The following PTPRT variants were observed in gnomAD, a reference collection of about 807,000 sequenced individuals.
PTPRT encodes receptor-type tyrosine-protein phosphatase T.
A neutral mutation model predicts 176.8 loss-of-function variants in PTPRT; 56 were observed. The observed-to-expected ratio is 0.32, with a 90% confidence interval of 0.26 to 0.40. PTPRT has a LOEUF of 0.40. Ranked by LOEUF, PTPRT falls within the 10% of genes least tolerant of loss-of-function variation. PTPRT has a pLI of 1.00. For synonymous variants in PTPRT, 783 were observed against 739.0 expected, an observed-to-expected ratio of 1.06 and a Z score of -0.96; for missense variants, 1,540 against 1,908.2, an observed-to-expected ratio of 0.81 and a Z score of 3.60.
chr20:42,972,998 T>C (rs768592329), intron 1 of PTPRT, among the ~76,000 whole-genome samples: 3 of 151,972 alleles, frequency 2.0e-5, no homozygotes, highest in Non-Finnish European at 4.4e-5. Flanking sequence ...GGCTACTCTA[T>C]TGATCAGCAC....
chr20:42,756,438 G>A, intron 6 of PTPRT, 24 bp downstream of exon 6: 1 of 1,502,940 alleles, frequency 6.7e-7, no homozygotes, highest in South Asian at 1.3e-5. Context: ...CATGGCAGTA[G>A]AGGCGCAGGC....
intron 25 of PTPRT, among the ~76,000 whole-genome samples, chr20:42,102,774 T>A (rs1322390051): frequency 6.6e-6 from 1 of 152,230 alleles, no homozygotes; most frequent in Non-Finnish European, 1.5e-5. Context: ...GATGCCTAGA[T>A]GACCTGCTCA....
intron 22 of PTPRT, among the ~76,000 whole-genome samples, chr20:42,110,727 T>C (rs6102677): frequency 0.23 from 34,895 of 152,192 alleles, 4,467 homozygotes; most frequent in Non-Finnish European, 0.3. Context: ...TTGAGTGTGC[T>C]CATACACACT....
intron 7 of PTPRT, among the ~76,000 whole-genome samples, chr20:42,577,450 T>C (rs557690093): frequency 2.0e-5 from 3 of 152,196 alleles, no homozygotes; most frequent in African/African-American, 7.2e-5. Context: ...GACCCAGGCA[T>C]GCAGGTTTGA....
intron 8 of PTPRT, among the ~76,000 whole-genome samples, chr20:42,470,451 C>T (rs893278090): frequency 6.6e-6 from 1 of 152,130 alleles, no homozygotes; most frequent in Non-Finnish European, 1.5e-5. Context: ...CTCCCAGTCT[C>T]CCCTGGGAAA....
chr20:43,100,108 G>T (rs530653603), intron 1 of PTPRT, among the ~76,000 whole-genome samples: 1 of 152,342 alleles, frequency 6.6e-6, no homozygotes, highest in African/African-American at 2.4e-5. Flanking sequence ...GGGCACAGTG[G>T]CTCATGCCAG....
intron 7 of PTPRT, among the ~76,000 whole-genome samples, chr20:42,642,383 G>A (rs1353092631): frequency 6.6e-6 from 1 of 152,158 alleles, no homozygotes; most frequent in Non-Finnish European, 1.5e-5. Context: ...ACAGAGTTAT[G>A]GACCTCCCTG....
chr20:42,988,062 T>C (rs881497), intron 1 of PTPRT, among the ~76,000 whole-genome samples: 82,106 of 151,972 alleles, frequency 0.54, 22,901 homozygotes, highest in Non-Finnish European at 0.62. Context: ...CAAAGTCCAC[T>C]GATCACACAC....
At chr20:42,449,709 T>C (rs1369710412) in intron 8 of PTPRT, among the ~76,000 whole-genome samples, 1 of 152,206 alleles carries the variant, frequency 6.6e-6, no homozygotes, top group Non-Finnish European at 1.5e-5. Flanking sequence ...CTCTTAATCA[T>C]CACGCTACGC....
the PTPRT span, among the ~76,000 whole-genome samples, chr20:42,062,038 C>T: frequency 6.6e-5 from 10 of 152,270 alleles, no homozygotes; most frequent in Admixed American, 2.6e-4. Flanking sequence ...CCTGGCCCAG[C>T]GCAGGTGAAG....
chr20:42,983,142 T>C (rs1983374532), intron 1 of PTPRT, among the ~76,000 whole-genome samples: 1 of 152,168 alleles, frequency 6.6e-6, no homozygotes, highest in African/African-American at 2.4e-5. Context: ...CTCCCATCCT[T>C]TGTGTGCACA....
At chr20:42,845,447 A>G (rs1051021925) in intron 2 of PTPRT, among the ~76,000 whole-genome samples, 1 of 152,166 alleles carries the variant, frequency 6.6e-6, no homozygotes, top group Non-Finnish European at 1.5e-5. Context: ...AAGGGCGTGC[A>G]TGTGTTTCTG....
chr20:42,220,916 G>A (rs2055871649), intron 15 of PTPRT, among the ~76,000 whole-genome samples: 1 of 152,190 alleles, frequency 6.6e-6, no homozygotes, highest in Non-Finnish European at 1.5e-5. Flanking sequence ...CATACCAATT[G>A]TGAAACAACG....
intron 8 of PTPRT, among the ~76,000 whole-genome samples, chr20:42,454,182 T>C (rs144704685): frequency 6.6e-6 from 1 of 152,320 alleles, no homozygotes; most frequent in East Asian, 1.9e-4. Flanking sequence ...TTGATGCACA[T>C]AGTTGTATCT....
chr20:43,135,777 C>G (rs1263077911), intron 1 of PTPRT, among the ~76,000 whole-genome samples: 1 of 152,152 alleles, frequency 6.6e-6, no homozygotes, highest in Non-Finnish European at 1.5e-5. Context: ...TTAAAGAATG[C>G]AAGTTCATTG....
chr20:42,460,269 C>T (rs1213953275), intron 8 of PTPRT, among the ~76,000 whole-genome samples: 1 of 152,180 alleles, frequency 6.6e-6, no homozygotes, highest in Non-Finnish European at 1.5e-5. Flanking sequence ...AATGTGGATC[C>T]AGGGTCAGCA....
intron 2 of PTPRT, among the ~76,000 whole-genome samples, chr20:42,854,836 G>C (rs1163535015): frequency 6.6e-6 from 1 of 152,274 alleles, no homozygotes; most frequent in East Asian, 1.9e-4. Flanking sequence ...AATTAAATTA[G>C]ATCAGTTATA....
chr20:42,267,850 G>A (rs1041812204), intron 13 of PTPRT, among the ~76,000 whole-genome samples: 2 of 152,240 alleles, frequency 1.3e-5, no homozygotes, highest in Admixed American at 1.3e-4. Flanking sequence ...GGGCAAAGAA[G>A]TTAAAGCTTT....
intron 25 of PTPRT, among the ~76,000 whole-genome samples, chr20:42,103,451 T>A (rs1986142763): frequency 6.6e-6 from 1 of 152,214 alleles, no homozygotes; most frequent in Non-Finnish European, 1.5e-5. Context: ...CTGCAGGTTT[T>A]AAAATTTTAT....
Sources: allele counts gnomAD v4.1 joint callset (sites outside exome capture counted in the v4.1 genomes callset), GRCh38; gene constraint gnomAD v4.1.1; transcripts MANE v1.5; gene names NCBI Gene and HGNC (gene_info 2026-07-23, HGNC 2026-07-21).